LARGE1: variants seen among roughly 807,000 people sequenced by gnomAD.
LARGE1 encodes the protein LARGE xylosyl- and glucuronyltransferase 1, also known as xylosyl- and glucuronyltransferase LARGE1.
LARGE1 carries 43 observed loss-of-function variants against 87.6 expected under a neutral mutation model. That is an observed-to-expected ratio of 0.49 (90% CI 0.38 to 0.63). The LOEUF (loss-of-function observed/expected upper bound fraction) is 0.63. Ranked by LOEUF, LARGE1 falls within the 30% of genes least tolerant of loss-of-function variation. LARGE1 has a pLI of 0.00. For missense variants in LARGE1, 802 were observed against 1,000.2 expected, an observed-to-expected ratio of 0.80 and a Z score of 2.67; for synonymous variants, 434 against 394.6, an observed-to-expected ratio of 1.10 and a Z score of -1.18.
the LARGE1 span, among the ~76,000 whole-genome samples, chr22:33,071,575 C>G: frequency 2.6e-5 from 4 of 152,286 alleles, no homozygotes; most frequent in Admixed American, 2.0e-4. Context: ...TGTTTTCAGG[C>G]ATTGTACTAC....
intron 1 of LARGE1, among the ~76,000 whole-genome samples, chr22:33,820,467 G>A (rs1000677985): frequency 2.0e-5 from 3 of 151,836 alleles, no homozygotes; most frequent in Non-Finnish European, 2.9e-5. Flanking sequence ...GACTACAAGC[G>A]CATGCCACCA....
At chr22:33,768,269 G>T (rs934918942) in intron 1 of LARGE1, among the ~76,000 whole-genome samples, 1 of 152,118 alleles carries the variant, frequency 6.6e-6, no homozygotes, top group Non-Finnish European at 1.5e-5. Context: ...AGATTGTGCC[G>T]CCTGGGCGAC....
At chr22:33,739,443 C>T (rs1041793480) in intron 2 of LARGE1, among the ~76,000 whole-genome samples, 16 of 152,206 alleles carry the variant, frequency 1.1e-4, no homozygotes, top group Non-Finnish European at 2.2e-4. Context: ...AAACCTACAG[C>T]TTTCAGCTGC....
chr22:33,904,194 T>G (rs2065367606), intron 1 of LARGE1, among the ~76,000 whole-genome samples: 1 of 152,102 alleles, frequency 6.6e-6, no homozygotes, highest in African/African-American at 2.4e-5. Context: ...GGCTTTCTTT[T>G]GAGATGGAGT....
At chr22:33,092,538 G>A in the LARGE1 span, among the ~76,000 whole-genome samples, 6 of 152,094 alleles carry the variant, frequency 3.9e-5, no homozygotes, top group Non-Finnish European at 8.8e-5. Flanking sequence ...GTGCCATGGT[G>A]GTTTGCTGCA....
At chr22:33,382,103 T>G in intron 8 of LARGE1, 59 bp from the exon 9 acceptor site, 2 of 1,609,202 alleles carry the variant, frequency 1.2e-6, no homozygotes, top group South Asian at 1.1e-5. Flanking sequence ...CTGCCCATTT[T>G]GGCTCTCAAG....
intron 11 of LARGE1, among the ~76,000 whole-genome samples, chr22:33,180,912 A>G (rs68035672): frequency 2.0e-5 from 3 of 151,992 alleles, no homozygotes; most frequent in Admixed American, 2.0e-4. Context: ...TTTCTGGGGG[A>G]TAGGATTGGG....
intron 6 of LARGE1, among the ~76,000 whole-genome samples, chr22:33,544,930 A>T (rs1395450520): frequency 6.6e-6 from 1 of 152,190 alleles, no homozygotes; most frequent in Non-Finnish European, 1.5e-5. Context: ...AACTGAAACA[A>T]GCAAGGAGAG....
intron 3 of LARGE1, among the ~76,000 whole-genome samples, chr22:33,635,693 T>C (rs1425088812): frequency 6.6e-6 from 1 of 152,192 alleles, no homozygotes; most frequent in Admixed American, 6.5e-5. Flanking sequence ...ACGGGTTGAA[T>C]TCAGGGTCCT....
the LARGE1 span, among the ~76,000 whole-genome samples, chr22:33,093,093 G>C: frequency 6.6e-6 from 1 of 152,202 alleles, no homozygotes; most frequent in African/African-American, 2.4e-5. Context: ...CAAATAAACT[G>C]TGAACTTATT....
Position 33,549,943 on chromosome 22 carries a change from G to A in LARGE1, c.787+14905C>T, listed in dbSNP as rs543276354. Among the ~76,000 whole-genome samples the A allele has an allele frequency of 2.6e-4, 39 of 152,142 alleles. 2 individuals are homozygous for A. Among genetic ancestry groups the A allele is most frequent in the South Asian group, 2.5e-3 (12 of 4,812 alleles). On this transcript the variant is annotated intron_variant, in intron 6 of 14. Transcript: ENST00000397394. ...GGACACGAACTCACCCTTTGTTTAC[G>A]GCTGCATAGTATTCCATGGTGTACA...
intron 10 of LARGE1, among the ~76,000 whole-genome samples, chr22:33,330,439 C>G (rs1601472630): frequency 6.6e-6 from 1 of 152,134 alleles, no homozygotes; most frequent in African/African-American, 2.4e-5. Flanking sequence ...CCTTGTGCCT[C>G]TGCCTCCAAA....
At chr22:33,707,482 G>A (rs1431686466) in intron 2 of LARGE1, among the ~76,000 whole-genome samples, 8 of 152,204 alleles carry the variant, frequency 5.3e-5, no homozygotes, top group African/African-American at 1.7e-4. Flanking sequence ...GGGGTTTGTG[G>A]CTATATTTCT....
In LARGE1 at chr22:33,454,490, G is replaced by A. The variant is rs189970828; in HGVS notation, c.788-22225C>T. Among the ~76,000 whole-genome samples, 592 of 151,922 alleles carry A rather than the reference G, an allele frequency of 3.9e-3. 7 individuals carry two copies. Among genetic ancestry groups the A allele is most frequent in the African/African-American group, 0.014 (566 of 41,450 alleles). Reference sequence around the variant, plus strand: ...AAAAATTAGTCGGGTGTGGTGGTACGTGCCTGTACTCCCAGCTACTTGGGA... The same window carrying A: ...AAAAATTAGTCGGGTGTGGTGGTACATGCCTGTACTCCCAGCTACTTGGGA... On this transcript the variant is annotated intron_variant, in intron 6 of 14. Transcript: ENST00000397394.
chr22:33,358,949 G>A (rs907461590), intron 9 of LARGE1, among the ~76,000 whole-genome samples: 5 of 150,448 alleles, frequency 3.3e-5, no homozygotes, highest in Admixed American at 2.7e-4. Flanking sequence ...AGTGAGCCGA[G>A]ACTGCACTAT....
intron 6 of LARGE1, among the ~76,000 whole-genome samples, chr22:33,462,318 G>A (rs5754565): frequency 0.16 from 24,249 of 151,958 alleles, 2,268 homozygotes; most frequent in East Asian, 0.28. Flanking sequence ...GCAAAATAAA[G>A]ACATTTTTCA....
chr22:33,103,700 T>G, the LARGE1 span, among the ~76,000 whole-genome samples: 4 of 152,150 alleles, frequency 2.6e-5, no homozygotes, highest in African/African-American at 7.2e-5. Context: ...CTCAAGGAGC[T>G]GACTTTGGCC....
the LARGE1 span, among the ~76,000 whole-genome samples, chr22:33,111,114 A>G: frequency 6.6e-6 from 1 of 152,174 alleles, no homozygotes; most frequent in Admixed American, 6.5e-5. Context: ...AGACCTGGCA[A>G]TTAATTAGGA....
chr22:33,788,139 C>T (rs939470363), intron 1 of LARGE1, among the ~76,000 whole-genome samples: 7 of 152,154 alleles, frequency 4.6e-5, no homozygotes, highest in Admixed American at 4.6e-4. Context: ...ATGTCATGGG[C>T]AGGGCCAGGT....
Sources: gnomAD v4.1 joint callset for allele counts (sites outside exome capture counted in the v4.1 genomes callset) on GRCh38, gnomAD v4.1.1 for gene constraint, MANE v1.5 for transcripts, NCBI Gene and HGNC (gene_info 2026-07-23, HGNC 2026-07-21) for gene names.